SCARA3: variants seen among roughly 807,000 people sequenced by gnomAD.
SCARA3 encodes the protein cellular stress response gene protein.
Under a neutral mutation model 47.0 loss-of-function variants are expected in SCARA3, and 39 were observed. The ratio of observed to expected loss-of-function variants is 0.83; its 90% CI spans 0.64 to 1.08. SCARA3 has a LOEUF of 1.08. SCARA3 is among the 50% of genes least tolerant of loss of function. The pLI is 0.00. For missense variants in SCARA3, 724 were observed against 792.3 expected, an observed-to-expected ratio of 0.91 and a Z score of 1.04; for synonymous variants, 356 against 334.1, an observed-to-expected ratio of 1.07 and a Z score of -0.71.
chr8:27,730,970 G>A, the SCARA3 span, among the ~76,000 whole-genome samples: 5 of 151,330 alleles, frequency 3.3e-5, no homozygotes, highest in Non-Finnish European at 5.9e-5. Flanking sequence ...AAGCCCAGGA[G>A]ATCCTGGGGG....
chr8:27,690,551 T>C, the SCARA3 span, among the ~76,000 whole-genome samples: 1 of 152,208 alleles, frequency 6.6e-6, no homozygotes, highest in African/African-American at 2.4e-5. Flanking sequence ...AGATGGAAAA[T>C]TATGTGACTG....
intron 5 of SCARA3, among the ~76,000 whole-genome samples, chr8:27,663,639 G>A (rs1801958353): frequency 2.0e-5 from 3 of 152,212 alleles, no homozygotes; most frequent in Non-Finnish European, 4.4e-5. Flanking sequence ...CCAGTAGAAG[G>A]TCAAAAGCTG....
intron 4 of SCARA3, among the ~76,000 whole-genome samples, chr8:27,657,359 T>C (rs1801764324): frequency 6.6e-6 from 1 of 150,710 alleles, no homozygotes; most frequent in Non-Finnish European, 1.5e-5. Flanking sequence ...CATGTGCAGG[T>C]TTGTTACTTG....
intron 3 of SCARA3, among the ~76,000 whole-genome samples, chr8:27,656,577 G>A (rs974210278): frequency 2.0e-5 from 3 of 152,060 alleles, no homozygotes; most frequent in African/African-American, 7.2e-5. Context: ...TGTGGGGTGT[G>A]GGGTGAGTTA....
chr8:27,725,787 A>ATGTCAGAAGCCATCCTC, the SCARA3 span, among the ~76,000 whole-genome samples: 2 of 152,104 alleles, frequency 1.3e-5, no homozygotes, highest in Non-Finnish European at 2.9e-5. Context: ...GCCCCATGGG[A>ATGTCAGAAGCCATCCTC]TGTCAGAAGC....
chr8:27,675,726 G>A (rs184544015), downstream of SCARA3, among the ~76,000 whole-genome samples: 23 of 152,292 alleles, frequency 1.5e-4, no homozygotes, highest in African/African-American at 5.5e-4. Context: ...GGAAGTGGAG[G>A]TTGCAGTGAG....
chr8:27,696,133 C>T, the SCARA3 span, among the ~76,000 whole-genome samples: 1 of 151,944 alleles, frequency 6.6e-6, no homozygotes, highest in Non-Finnish European at 1.5e-5. Flanking sequence ...CCCCAGCCTC[C>T]CAAGTAGCTG....
the SCARA3 span, among the ~76,000 whole-genome samples, chr8:27,719,584 T>C: frequency 6.9e-4 from 105 of 151,628 alleles, no homozygotes; most frequent in Middle Eastern, 3.5e-3. Context: ...CTGTGTGACC[T>C]TGACCAAGCC....
chr8:27,651,749 C>G, intron 3 of SCARA3, 122 bp downstream of exon 3: 9 of 1,320,436 alleles, frequency 6.8e-6, no homozygotes, highest in South Asian at 2.8e-5. Flanking sequence ...GAGCCAGCAT[C>G]TTCCTGGCTA....
chr8:27,725,947 T>C, the SCARA3 span, among the ~76,000 whole-genome samples: 1 of 152,304 alleles, frequency 6.6e-6, no homozygotes, highest in African/African-American at 2.4e-5. Context: ...TTGTACTGTG[T>C]GGCTCCAGAG....
downstream of SCARA3, among the ~76,000 whole-genome samples, chr8:27,673,745 C>T (rs987692041): frequency 7.2e-5 from 11 of 152,130 alleles, no homozygotes; most frequent in Non-Finnish European, 8.8e-5. Flanking sequence ...GCCATTGTCA[C>T]GGTGGGACTT....
At chr8:27,719,826 C>T in the SCARA3 span, among the ~76,000 whole-genome samples, 1 of 152,152 alleles carries the variant, frequency 6.6e-6, no homozygotes, top group Non-Finnish European at 1.5e-5. Context: ...CTCCTCACTT[C>T]TTTGAGACCT....
chr8:27,642,222 G>C lies in SCARA3; in HGVS notation c.8-7480G>C, dbSNP rs551953715. 3.3e-5 allele frequency among the ~76,000 whole-genome samples: 5 copies of C among 152,306 alleles called. No individual in the cohort carries two copies. In the South Asian group the frequency reaches 6.2e-4, roughly 19 times the overall value. On this transcript the variant is annotated intron_variant, in intron 1 of 5. Coordinates refer to ENST00000301904, the MANE Select transcript of SCARA3 (RefSeq NM_016240.3). The stretch of plus-strand genomic sequence containing the variant: ...ATATGTTTTGAAACACTGATTTCTT[G>C]TAAGTTGGAAATTGGTCCTGGGAGT...
the SCARA3 span, among the ~76,000 whole-genome samples, chr8:27,694,304 G>T: frequency 6.6e-6 from 1 of 152,118 alleles, no homozygotes. Flanking sequence ...AGCAAAGGTA[G>T]TTCTCTCCCA....
chr8:27,635,025 C>T (rs1283740754), intron 1 of SCARA3, among the ~76,000 whole-genome samples: 1 of 152,176 alleles, frequency 6.6e-6, no homozygotes, highest in Non-Finnish European at 1.5e-5. Flanking sequence ...TTCAGTAATC[C>T]TCCTGTAACA....
At chr8:27,712,158 A>G in the SCARA3 span, among the ~76,000 whole-genome samples, 1 of 152,194 alleles carries the variant, frequency 6.6e-6, no homozygotes, top group Non-Finnish European at 1.5e-5. Flanking sequence ...GAAACCAGTG[A>G]TCTTTTAACT....
the SCARA3 span, among the ~76,000 whole-genome samples, chr8:27,719,507 C>A: frequency 1.3e-5 from 2 of 149,606 alleles, no homozygotes; most frequent in African/African-American, 5.0e-5. Context: ...AACAAACCTA[C>A]ACTTGTACTC....
chr8:27,716,180 G>T, the SCARA3 span, among the ~76,000 whole-genome samples: 5 of 152,134 alleles, frequency 3.3e-5, no homozygotes, highest in Non-Finnish European at 5.9e-5. Context: ...GGGTGTGGTG[G>T]TGCATGCCAG....
At chr8:27,636,207 G>A (rs1801246047) in intron 1 of SCARA3, among the ~76,000 whole-genome samples, 1 of 152,186 alleles carries the variant, frequency 6.6e-6, no homozygotes. Flanking sequence ...CTTACACGGG[G>A]CCACACTGCC....
Sources: gnomAD v4.1 joint callset for allele counts (sites outside exome capture counted in the v4.1 genomes callset) on GRCh38, gnomAD v4.1.1 for gene constraint, MANE v1.5 for transcripts, NCBI Gene and HGNC (gene_info 2026-07-23, HGNC 2026-07-21) for gene names.